The following CALN1 variants were observed in gnomAD, a reference collection of about 807,000 sequenced individuals.
CALN1 encodes the protein calcium-binding protein 8.
A neutral mutation model predicts 30.6 loss-of-function variants in CALN1; 17 were observed. The ratio of observed to expected loss-of-function variants is 0.56; its 90% CI spans 0.38 to 0.83. The LOEUF (loss-of-function observed/expected upper bound fraction) is 0.83. CALN1 is among the 40% of genes least tolerant of loss of function. The pLI is 0.00. For synonymous variants in CALN1, 156 were observed against 131.4 expected (o/e 1.19, Z -1.28); for missense variants, 291 against 354.9 (o/e 0.82, Z 1.45).
intron 2 of CALN1, among the ~76,000 whole-genome samples, chr7:72,349,014 T>G (rs1251760377): frequency 6.6e-6 from 1 of 152,106 alleles, no homozygotes; most frequent in Non-Finnish European, 1.5e-5. Flanking sequence ...AAGGAAGGCA[T>G]GCAAACTAAA....
intron 2 of CALN1, among the ~76,000 whole-genome samples, chr7:72,330,473 A>T (rs1801593500): frequency 6.6e-6 from 1 of 151,174 alleles, no homozygotes; most frequent in African/African-American, 2.4e-5. Context: ...CTCCAAAAAA[A>T]AAAAAAAAAA....
intron 5 of CALN1, among the ~76,000 whole-genome samples, chr7:71,811,189 G>A (rs193246002): frequency 2.4e-4 from 36 of 152,056 alleles, no homozygotes; most frequent in East Asian, 1.7e-3. Flanking sequence ...GAGCCACCAC[G>A]CCCGGCCTAA....
At chr7:71,975,155 C>G (rs2129526688) in intron 5 of CALN1, among the ~76,000 whole-genome samples, 1 of 152,260 alleles carries the variant, frequency 6.6e-6, no homozygotes, top group Middle Eastern at 3.4e-3. Context: ...TCCCAGCAAA[C>G]AAGCCCAGAG....
chr7:71,928,448 C>CAAAAA (rs60088732), intron 5 of CALN1, among the ~76,000 whole-genome samples: 2 of 99,926 alleles, frequency 2.0e-5, no homozygotes, highest in Non-Finnish European at 2.1e-5. Context: ...CTTTTAATGG[C>CAAAAA]AAAAAAAAAA....
rs77973697 is a variant in CALN1 at position 71,832,475 on chromosome 7, G to T, written c.502-21983C>A. On this transcript the variant is annotated intron_variant, in intron 5 of 6. Coordinates refer to ENST00000395275, the MANE Select transcript of CALN1 (RefSeq NM_031468.4). ...CCTTGATTCTGTATGCAGGGACTGT[G>T]ACTTTTGTAGATATGGGCACTTATT... is the stretch of plus-strand genomic sequence containing the variant. Among the ~76,000 whole-genome samples the T allele has an allele frequency of 7.2e-5, 11 of 152,342 alleles. No individual in the cohort carries two copies. The East Asian group carries it at 9.7e-4, about 13-fold the overall frequency.
chr7:72,097,558 A>G (rs952247786), intron 4 of CALN1, among the ~76,000 whole-genome samples: 3 of 151,874 alleles, frequency 2.0e-5, no homozygotes, highest in African/African-American at 7.3e-5. Context: ...CTGTAATCCC[A>G]GCACTTTGGG....
intron 3 of CALN1, among the ~76,000 whole-genome samples, chr7:72,209,546 C>T (rs1004695675): frequency 1.0e-5 from 1 of 95,464 alleles, no homozygotes; most frequent in Non-Finnish European, 2.4e-5. Context: ...CTCCGCCCTC[C>T]GTTCCTCCCT....
At chr7:72,500,194 G>A in the CALN1 span, among the ~76,000 whole-genome samples, 1 of 147,472 alleles carries the variant, frequency 6.8e-6, no homozygotes, top group African/African-American at 2.5e-5. Context: ...TTACAGATGT[G>A]AGCCACCTCG....
chr7:72,472,223 C>A, the CALN1 span, among the ~76,000 whole-genome samples: 1 of 152,160 alleles, frequency 6.6e-6, no homozygotes, highest in Non-Finnish European at 1.5e-5. Context: ...TCACCAAAAC[C>A]TTCCCACCCG....
At chr7:72,433,755 T>C (rs1585724395) in intron 1 of CALN1, among the ~76,000 whole-genome samples, 1 of 152,312 alleles carries the variant, frequency 6.6e-6, no homozygotes, top group East Asian at 1.9e-4. Flanking sequence ...ATAGGTCTTA[T>C]GGGCTCTGAT....
At chr7:71,862,338 G>A (rs946142325) in intron 5 of CALN1, among the ~76,000 whole-genome samples, 3 of 152,186 alleles carry the variant, frequency 2.0e-5, no homozygotes, top group African/African-American at 4.8e-5. Context: ...ATTCCCACGT[G>A]TCATAGGAGG....
chr7:72,308,346 A>ATG (rs1799791735), intron 2 of CALN1, among the ~76,000 whole-genome samples: 2 of 124,048 alleles, frequency 1.6e-5, no homozygotes, highest in Non-Finnish European at 3.2e-5. Context: ...CCTGGGCCAC[A>ATG]GAGTGAGATG....
intron 5 of CALN1, among the ~76,000 whole-genome samples, chr7:71,903,203 TAAATG>T (rs538411660): frequency 7.7e-4 from 117 of 152,216 alleles, no homozygotes; most frequent in Non-Finnish European, 1.5e-3. Context: ...AGGGCTAACT[TAAATG>T]AGAAACCATT....
At chr7:72,390,327 A>G (rs1805502340) in intron 2 of CALN1, among the ~76,000 whole-genome samples, 1 of 152,092 alleles carries the variant, frequency 6.6e-6, no homozygotes, top group Admixed American at 6.5e-5. Flanking sequence ...GCTACTCAGG[A>G]GGGTGAGGCA....
chr7:72,466,891 GAAA>G, the CALN1 span, among the ~76,000 whole-genome samples: 1 of 151,136 alleles, frequency 6.6e-6, no homozygotes, highest in African/African-American at 2.4e-5. Flanking sequence ...AGAAAGAAAA[GAAA>G]AAGAAAGAGA....
chr7:71,898,611 G>A (rs1320488841), intron 5 of CALN1, among the ~76,000 whole-genome samples: 1 of 152,158 alleles, frequency 6.6e-6, no homozygotes, highest in African/African-American at 2.4e-5. Flanking sequence ...TACAAGCCAT[G>A]GTTTGAAGAA....
chr7:71,981,282 C>A (rs1798380499), intron 5 of CALN1, among the ~76,000 whole-genome samples: 1 of 152,056 alleles, frequency 6.6e-6, no homozygotes, highest in Non-Finnish European at 1.5e-5. Flanking sequence ...TCTAATCTTC[C>A]CCTGCCTTTC....
chr7:72,339,753 A>C lies in CALN1; in HGVS notation c.120-60943T>G, dbSNP rs555216260. On this transcript the variant is annotated intron_variant, in intron 2 of 6. Transcript: ENST00000395275. ...AGGCACATCTTACATGGCAGCAAGCAAGAGAGCTTGTGCAGGGGGAACTCC... is the reference window on the plus strand; with the variant it reads ...AGGCACATCTTACATGGCAGCAAGCCAGAGAGCTTGTGCAGGGGGAACTCC... 5.9e-5 allele frequency among the ~76,000 whole-genome samples: 9 copies of C among 152,298 alleles called. No homozygotes were observed. In the South Asian group the frequency reaches 1.9e-3, roughly 32 times the overall value.
At chr7:72,051,360 A>T (rs912550632) in intron 4 of CALN1, among the ~76,000 whole-genome samples, 2 of 152,148 alleles carry the variant, frequency 1.3e-5, no homozygotes, top group African/African-American at 2.4e-5. Context: ...TCTATTTCAA[A>T]TTTTTTGTGA....
Sources: allele counts gnomAD v4.1 joint callset (sites outside exome capture counted in the v4.1 genomes callset), GRCh38; gene constraint gnomAD v4.1.1; transcripts MANE v1.5; gene names NCBI Gene and HGNC (gene_info 2026-07-23, HGNC 2026-07-21).